ZNF487: variants seen among roughly 807,000 people sequenced by gnomAD.
The protein encoded by ZNF487 is KRAB domain only 1.
Under a neutral mutation model 3.0 loss-of-function variants are expected in ZNF487, and 4 were observed. That is an observed-to-expected ratio of 1.35 (90% CI 0.66 to 3.08). The LOEUF (loss-of-function observed/expected upper bound fraction) is 3.08. ZNF487 is among the 30% of genes most tolerant of loss of function. ZNF487 has a pLI of 0.01. For synonymous variants in ZNF487, 55 were observed against 34.6 expected (o/e 1.59, Z -2.06); for missense variants, 146 against 98.7 (o/e 1.48, Z -2.03).
At chr10:43,464,826 C>A (rs1488349210) in intron 1 of ZNF487, among the ~76,000 whole-genome samples, 1 of 152,216 alleles carries the variant, frequency 6.6e-6, no homozygotes, top group Non-Finnish European at 1.5e-5. Flanking sequence ...ACCTTTCCCC[C>A]TTTTCTATTC....
intron 1 of ZNF487, among the ~76,000 whole-genome samples, chr10:43,465,687 G>A (rs1293769192): frequency 2.0e-5 from 3 of 150,396 alleles, no homozygotes; most frequent in Non-Finnish European, 4.4e-5. Context: ...GGGCAGAGAC[G>A]CTCCTCACTT....
downstream of ZNF487, among the ~76,000 whole-genome samples, chr10:43,488,111 A>T (rs1262122164): frequency 6.6e-6 from 1 of 151,882 alleles, no homozygotes; most frequent in Non-Finnish European, 1.5e-5. Flanking sequence ...CAAAAAAAAA[A>T]AGAATTTCAA....
intron 1 of ZNF487, among the ~76,000 whole-genome samples, chr10:43,443,505 C>G (rs1046729761): frequency 1.3e-5 from 2 of 150,998 alleles, no homozygotes; most frequent in Non-Finnish European, 1.5e-5. Context: ...TCCCAAGTAG[C>G]TGGGATTACA....
the ZNF487 span, among the ~76,000 whole-genome samples, chr10:43,521,087 G>A: frequency 1.3e-5 from 2 of 152,158 alleles, no homozygotes; most frequent in African/African-American, 2.4e-5. Context: ...AAAAAGATAT[G>A]GTTGATTATC....
At chr10:43,480,026 T>C (rs1220420011) in intron 3 of ZNF487, among the ~76,000 whole-genome samples, 4 of 71,952 alleles carry the variant, frequency 5.6e-5, no homozygotes, top group African/African-American at 1.3e-4. Flanking sequence ...TTTCTTTCTT[T>C]CTTTCTTTCT....
At chr10:43,458,163 T>C (rs1840290230) in intron 1 of ZNF487, 1 of 152,132 alleles carries the variant, frequency 6.6e-6, no homozygotes, top group Non-Finnish European at 1.5e-5. Flanking sequence ...ATTTAGAAAG[T>C]TTATTTTGCC....
At chr10:43,478,438 C>T (rs1025700471) in intron 3 of ZNF487, among the ~76,000 whole-genome samples, 6 of 152,068 alleles carry the variant, frequency 3.9e-5, no homozygotes, top group Admixed American at 2.0e-4. Context: ...CCTGTAATCC[C>T]GCTACTCGGG....
At chr10:43,451,661 G>A (rs1223882814) in intron 1 of ZNF487, among the ~76,000 whole-genome samples, 5 of 144,768 alleles carry the variant, frequency 3.5e-5, no homozygotes. Flanking sequence ...CACCTCCCGG[G>A]TTCAAGCAGT....
downstream of ZNF487, chr10:43,483,302 G>T: frequency 2.8e-6 from 1 of 361,078 alleles, no homozygotes; most frequent in Non-Finnish European, 5.4e-6. Context: ...GTGCAATGGC[G>T]TGATCTTGGC....
chr10:43,464,712 C>G (rs1469339816), intron 1 of ZNF487, among the ~76,000 whole-genome samples: 1 of 152,204 alleles, frequency 6.6e-6, no homozygotes, highest in East Asian at 1.9e-4. Context: ...TCAACAGGAT[C>G]CCAAGGCAGA....
At chr10:43,455,902 C>A (rs1840182197) in intron 1 of ZNF487, among the ~76,000 whole-genome samples, 1 of 152,262 alleles carries the variant, frequency 6.6e-6, no homozygotes, top group Non-Finnish European at 1.5e-5. Flanking sequence ...GAGGCGGGCA[C>A]CGCCCGCTCT....
At chr10:43,445,996 G>C (rs1306200582) in intron 1 of ZNF487, among the ~76,000 whole-genome samples, 1 of 152,206 alleles carries the variant, frequency 6.6e-6, no homozygotes, top group Non-Finnish European at 1.5e-5. Flanking sequence ...GGGGTTGGGA[G>C]TAAGGTTATA....
chr10:43,460,440 A>G (rs1484632972), intron 1 of ZNF487, among the ~76,000 whole-genome samples: 1 of 129,846 alleles, frequency 7.7e-6, no homozygotes, highest in Non-Finnish European at 1.5e-5. Flanking sequence ...CAGTGGCATG[A>G]TCTCAGTTCA....
the ZNF487 span, among the ~76,000 whole-genome samples, chr10:43,489,633 C>T: frequency 2.6e-5 from 4 of 152,120 alleles, no homozygotes; most frequent in African/African-American, 7.2e-5. Context: ...GGATTACAGG[C>T]GTGAGCCACC....
chr10:43,437,005 C>G, upstream of ZNF487: 2 of 394,584 alleles, frequency 5.1e-6, no homozygotes, highest in South Asian at 3.5e-5. Flanking sequence ...TAGGGCCGAG[C>G]CCCCGCTAGG....
chr10:43,483,079 T>A lies in ZNF487; in HGVS notation c.*1157T>A. 1 of 457,256 alleles carries A rather than the reference T, an allele frequency of 2.2e-6. No individual in the cohort carries two copies. Among genetic ancestry groups the A allele is most frequent in the Non-Finnish European group, 4.4e-6 (1 of 227,128 alleles). The allele number at this position is 457,256 out of a possible 1,614,324, so 28.3% of individuals were successfully genotyped here. ...AACATAGAGGAAACCCTTGTCAACA[T>A]CCTGAAGGCTCAGAAACCTTCACCT... On this transcript the variant is annotated 3_prime_UTR_variant, in exon 4 of 4. Transcript: ENST00000437590.
At chr10:43,512,019 C>A in the ZNF487 span, among the ~76,000 whole-genome samples, 1 of 152,232 alleles carries the variant, frequency 6.6e-6, no homozygotes, top group East Asian at 1.9e-4. Flanking sequence ...GTGGCCATTT[C>A]TCCTTCCATG....
chr10:43,521,605 T>C, the ZNF487 span, among the ~76,000 whole-genome samples: 30 of 152,300 alleles, frequency 2.0e-4, no homozygotes, highest in African/African-American at 6.7e-4. Flanking sequence ...TTTTAAGTGC[T>C]CAGTGCATGT....
intron 1 of ZNF487, among the ~76,000 whole-genome samples, chr10:43,473,590 C>G (rs556655424): frequency 6.6e-6 from 1 of 152,014 alleles, no homozygotes; most frequent in Non-Finnish European, 1.5e-5. Flanking sequence ...GCGATCTCAG[C>G]TCACTGCAAG....
Sources: allele counts gnomAD v4.1 joint callset (sites outside exome capture counted in the v4.1 genomes callset), GRCh38; gene constraint gnomAD v4.1.1; transcripts MANE v1.5; gene names NCBI Gene and HGNC (gene_info 2026-07-23, HGNC 2026-07-21).